Variants in SORBS3 observed in about 807,000 individuals in gnomAD.
The protein encoded by SORBS3 is sorbin and SH3 domain containing 3, also known as vinexin.
A neutral mutation model predicts 98.0 loss-of-function variants in SORBS3; 69 were observed. The ratio of observed to expected loss-of-function variants is 0.70; its 90% CI spans 0.58 to 0.86. The LOEUF (loss-of-function observed/expected upper bound fraction) is 0.86, where lower values mean the gene tolerates loss of function less well. SORBS3 is among the 40% of genes least tolerant of loss of function. The probability of loss-of-function intolerance (pLI) is 0.00; values close to 1 mark genes in which losing one functional copy is unlikely to be tolerated. For missense variants in SORBS3, 954 were observed against 908.5 expected (o/e 1.05, Z -0.64); for synonymous variants, 394 against 355.4 (o/e 1.11, Z -1.22).
rs182692044 is a variant in SORBS3, at chr8:22,561,498, G to A, written c.517+125G>A. 3.2e-3 allele frequency: 3,238 copies of A among 1,008,676 alleles called. 12 individuals are homozygous for A. Among genetic ancestry groups the A allele is most frequent in the Non-Finnish European group, 4.3e-3 (2,807 of 656,104 alleles). 62.5% of individuals were successfully genotyped at this position (1,008,676 alleles called of 1,614,324 possible). ...CAGTTGGCTCAGTTCAACCTGAGAG[G>A]TTTTTATAGCTCATTTCCAGAGCAC... On this transcript the variant is annotated intron_variant, in intron 6 of 20. Transcript: ENST00000240123.
intron 1 of SORBS3, among the ~76,000 whole-genome samples, chr8:22,546,637 C>T (rs558683691): frequency 1.3e-5 from 2 of 152,312 alleles, no homozygotes; most frequent in African/African-American, 4.8e-5. Context: ...AGAAAACATA[C>T]ATTGTTTACC....
At position 22,564,489 on chromosome 8, in the gene SORBS3, G is replaced by C. The variant is rs3758037; in HGVS notation, c.784G>C (p.Asp262His). 20 of 1,614,072 alleles carry C rather than the reference G, an allele frequency of 1.2e-5. No homozygotes were observed. The East Asian group carries it at 4.5e-4, about 36-fold the overall frequency. Residue 262 changes from aspartate (D) to histidine (H), a missense_variant, in exon 10 of 21, where the codon GAC (aspartate) becomes CAC (histidine). By Grantham distance (81) the Asp-to-His change is moderately conservative. Coordinates refer to ENST00000240123, the MANE Select transcript of SORBS3 (RefSeq NM_005775.5). ...GQRPKKPLVD[D>H]PGEKPSQPIE... ...TCAGCCCAAGAAACCGCTGGTGGAC[G>C]ACCCTGGTGAGAAGCCCTCCCAGCC... is the stretch of plus-strand genomic sequence containing the variant.
upstream of SORBS3, among the ~76,000 whole-genome samples, chr8:22,547,482 GTTC>G (rs1032719548): frequency 2.6e-5 from 4 of 152,200 alleles, no homozygotes; most frequent in East Asian, 1.9e-4. Flanking sequence ...GGAAGACAAG[GTTC>G]TTCTTTGTTT....
chr8:22,565,359 CA>C lies in SORBS3; in HGVS notation c.903+6del. On this transcript the variant is annotated splice_donor_region_variant and intron_variant, in intron 11 of 20. Coordinates refer to ENST00000240123, the MANE Select transcript of SORBS3 (RefSeq NM_005775.5). ...ACCCGACTGCCGTCCCCCAAGGTAC[CA>C]GCCCCCAGGGTTCACCCGCGGGGCA... 1 of 1,547,716 alleles carries C rather than the reference CA, an allele frequency of 6.5e-7. No individual in the cohort carries two copies. Among genetic ancestry groups the C allele is most frequent in the Non-Finnish European group, 8.7e-7 (1 of 1,145,726 alleles).
chr8:22,560,351 CTAGGGAGA>C (rs1840266412), intron 5 of SORBS3, among the ~76,000 whole-genome samples: 3 of 151,994 alleles, frequency 2.0e-5, no homozygotes, highest in Admixed American at 6.6e-5. Flanking sequence ...ACAAGATCAC[CTAGGGAGA>C]TAGAGAGACA....
At position 22,570,879 on chromosome 8, in the gene SORBS3, G is replaced by T. The variant is rs778322305; in HGVS notation, c.1432-31G>T. 20 of 1,561,572 alleles carry T rather than the reference G, an allele frequency of 1.3e-5. 1 individual carries two copies. In the South Asian group the frequency reaches 2.1e-4, roughly 16 times the overall value. ...CCCGTGGGTCCATGGCACCAGGAAGGCCCCACAGACACTGACTTTTCCCCC... is the reference window on the plus strand; with the variant it reads ...CCCGTGGGTCCATGGCACCAGGAAGTCCCCACAGACACTGACTTTTCCCCC... On this transcript the variant is annotated intron_variant, in intron 17 of 20. Coordinates refer to ENST00000240123, the MANE Select transcript of SORBS3 (RefSeq NM_005775.5).
At chr8:22,572,254 G>A (rs1167352297) in intron 19 of SORBS3, 86 bp from the exon 20 acceptor site, 1 of 1,074,854 alleles carries the variant, frequency 9.3e-7, no homozygotes, top group African/African-American at 1.5e-5. Context: ...AGCATGAAGG[G>A]ACCCTGGGGC....
At chr8:22,552,899 C>G (rs1386589685) in intron 1 of SORBS3, among the ~76,000 whole-genome samples, 8 of 152,184 alleles carry the variant, frequency 5.3e-5, no homozygotes, top group Admixed American at 5.2e-4. Context: ...TTGGACCCAG[C>G]TGGGGAGCTG....
chr8:22,571,920 G>C, intron 19 of SORBS3, 99 bp downstream of exon 19: 1 of 872,024 alleles, frequency 1.1e-6, no homozygotes, highest in Admixed American at 1.9e-5. Flanking sequence ...CTGTGGATTT[G>C]GGAAACTTCT....
chr8:22,552,823 C>G (rs60202703), intron 1 of SORBS3, among the ~76,000 whole-genome samples: 18,565 of 152,242 alleles, frequency 0.12, 2,359 homozygotes, highest in African/African-American at 0.33. Context: ...AACTCCCCCC[C>G]GCAAGGGGAG....
chr8:22,564,254 C>G (rs1363643366), intron 8 of SORBS3, 29 bp from the exon 9 acceptor site: 2 of 1,562,674 alleles, frequency 1.3e-6, no homozygotes, highest in Admixed American at 1.9e-5. Context: ...GCCCTCTTCA[C>G]AAGCTGACAC....
Position 22,574,654 on chromosome 8 carries a change from T to C in SORBS3, c.1955-13T>C, listed in dbSNP as rs747211784. The C allele has an allele frequency of 6.2e-7, 1 of 1,612,734 alleles. No individual in the cohort carries two copies. Among genetic ancestry groups the C allele is most frequent in the South Asian group, 1.1e-5 (1 of 91,054 alleles). The stretch of plus-strand genomic sequence containing the variant: ...GGGAGTGGGGAAAGCTCTTCCTGCC[T>C]TTCCTCTTTCAGGTGTCTCCCGGAG... On this transcript the variant is annotated splice_polypyrimidine_tract_variant and intron_variant, in intron 20 of 20. Coordinates refer to ENST00000240123, the MANE Select transcript of SORBS3 (RefSeq NM_005775.5).
At chr8:22,572,808 C>T (rs2117305726) in intron 20 of SORBS3, among the ~76,000 whole-genome samples, 1 of 152,306 alleles carries the variant, frequency 6.6e-6, no homozygotes, top group Middle Eastern at 3.4e-3. Context: ...GACCAGGGCT[C>T]ACACTTGACC....
At chr8:22,557,003 G>T (rs780801021) in intron 4 of SORBS3, 95 bp downstream of exon 4, 9 of 1,387,942 alleles carry the variant, frequency 6.5e-6, no homozygotes, top group Non-Finnish European at 7.9e-6. Context: ...GGCAATAAAG[G>T]CCGCACCCAA....
chr8:22,556,844 G>T lies in SORBS3; in HGVS notation c.350G>T (p.Arg117Leu), dbSNP rs775027920. The change falls in exon 4 of 21, where the codon CGC (arginine) becomes CTC (leucine). Residue 117 changes from arginine (R) to leucine (L), a missense_variant. Physicochemically the swap from Arg to Leu is moderately radical, Grantham distance 102. Transcript: ENST00000240123. Reference protein sequence around the residue: ...WTKDSKRRDKRWVKYEGIGPV... With the variant: ...WTKDSKRRDKLWVKYEGIGPV... ...AAGGACAGCAAGCGTCGGGACAAGC[G>T]CTGGGTCAAGTACGAGGGAATCGGG... is the stretch of plus-strand genomic sequence containing the variant. 1.2e-5 allele frequency: 20 copies of T among 1,613,472 alleles called. No homozygotes were observed. Among genetic ancestry groups the T allele is most frequent in the African/African-American group, 4.0e-5 (3 of 74,932 alleles).
intron 7 of SORBS3, among the ~76,000 whole-genome samples, chr8:22,563,526 G>A (rs959106752): frequency 2.0e-5 from 3 of 152,166 alleles, no homozygotes; most frequent in African/African-American, 7.2e-5. Context: ...CGATCACTCA[G>A]CCACAGCACC....
intron 11 of SORBS3, 156 bp from the exon 12 acceptor site, chr8:22,565,670 C>G: frequency 8.3e-7 from 1 of 1,209,342 alleles, no homozygotes; most frequent in South Asian, 4.0e-5. Flanking sequence ...CTAGTTCCCG[C>G]CCCGCTCCCG....
intron 16 of SORBS3, 36 bp downstream of exon 16, chr8:22,567,211 T>C: frequency 8.5e-7 from 1 of 1,177,780 alleles, no homozygotes; most frequent in Non-Finnish European, 1.3e-6. Context: ...GGGGCTGGGC[T>C]GGGAGGGCGC....
intron 12 of SORBS3, 81 bp from the exon 13 acceptor site, chr8:22,566,264 G>A (rs1292157986): frequency 6.7e-6 from 10 of 1,490,784 alleles, no homozygotes; most frequent in Non-Finnish European, 8.9e-6. Flanking sequence ...TGGGGGCGAT[G>A]GGGGGTCAGA....
Sources: gnomAD v4.1 joint callset for allele counts (sites outside exome capture counted in the v4.1 genomes callset) on GRCh38, gnomAD v4.1.1 for gene constraint, MANE v1.5 for transcripts, NCBI Gene and HGNC (gene_info 2026-07-23, HGNC 2026-07-21) for gene names.